Variants in TAFA2 observed in about 807,000 individuals in gnomAD.
TAFA2 encodes the protein chemokine-like protein TAFA-2.
Under a neutral mutation model 18.8 loss-of-function variants are expected in TAFA2, and 7 were observed. The observed-to-expected ratio is 0.37, with a 90% CI of 0.21 to 0.70. The LOEUF is 0.70. Ranked by LOEUF, TAFA2 falls within the 30% of genes least tolerant of loss-of-function variation. The pLI, the probability that TAFA2 is intolerant of heterozygous loss-of-function variation, is 0.53. For synonymous variants in TAFA2, 60 were observed against 54.2 expected, an observed-to-expected ratio of 1.11 and a Z score of -0.47; for missense variants, 122 against 158.1, an observed-to-expected ratio of 0.77 and a Z score of 1.23.
At chr12:62,011,751 TAAAAA>T (rs202026493) in intron 1 of TAFA2, among the ~76,000 whole-genome samples, 9 of 102,890 alleles carry the variant, frequency 8.7e-5, no homozygotes, top group African/African-American at 2.1e-4. Context: ...CAATAAATAC[TAAAAA>T]AAAAAAAAAA....
At chr12:62,016,781 C>G (rs1461027664) in intron 1 of TAFA2, among the ~76,000 whole-genome samples, 4 of 123,692 alleles carry the variant, frequency 3.2e-5, no homozygotes, top group African/African-American at 1.2e-4. Flanking sequence ...ATTGTGTGTA[C>G]AGGGTACCAG....
chr12:62,219,578 G>A (rs1416897907), intron 1 of TAFA2, among the ~76,000 whole-genome samples: 1 of 152,078 alleles, frequency 6.6e-6, no homozygotes, highest in Non-Finnish European at 1.5e-5. Context: ...TTGGGTGTTT[G>A]TTATAAAAGA....
intron 1 of TAFA2, among the ~76,000 whole-genome samples, chr12:62,015,005 C>A (rs1348077): frequency 6.6e-6 from 1 of 152,014 alleles, no homozygotes; most frequent in South Asian, 2.1e-4. Context: ...AACTGTTTTC[C>A]AAAAAAGTCT....
chr12:62,157,834 G>C (rs1200325975), intron 1 of TAFA2, among the ~76,000 whole-genome samples: 2 of 151,988 alleles, frequency 1.3e-5, no homozygotes, highest in Non-Finnish European at 2.9e-5. Context: ...GGGTTTATTT[G>C]TGTCTCTTAC....
At chr12:61,835,398 G>A (rs937985691) in intron 2 of TAFA2, among the ~76,000 whole-genome samples, 1 of 151,936 alleles carries the variant, frequency 6.6e-6, no homozygotes, top group Admixed American at 6.6e-5. Flanking sequence ...TTAGATTCAA[G>A]GGGTGCATTT....
chr12:62,144,345 C>T (rs573767473), intron 1 of TAFA2, among the ~76,000 whole-genome samples: 2 of 152,174 alleles, frequency 1.3e-5, no homozygotes, highest in South Asian at 4.2e-4. Context: ...ACTATAGAGG[C>T]ATGCAGTCAT....
intron 1 of TAFA2, among the ~76,000 whole-genome samples, chr12:61,881,410 A>G (rs1046339704): frequency 6.6e-6 from 1 of 152,170 alleles, no homozygotes; most frequent in African/African-American, 2.4e-5. Context: ...ACTGTAACAC[A>G]ATGGTACTTG....
At chr12:61,833,271 C>T (rs773979496) in intron 2 of TAFA2, among the ~76,000 whole-genome samples, 5 of 151,464 alleles carry the variant, frequency 3.3e-5, no homozygotes, top group African/African-American at 1.2e-4. Flanking sequence ...CTCCTTCCCC[C>T]AGAAACATTC....
At chr12:61,739,418 T>C (rs756160638) in intron 4 of TAFA2, among the ~76,000 whole-genome samples, 4 of 152,050 alleles carry the variant, frequency 2.6e-5, no homozygotes, top group Admixed American at 6.6e-5. Context: ...TAGTGAGACA[T>C]CAACAGTACT....
At chr12:62,030,910 C>T (rs1881440458) in intron 1 of TAFA2, among the ~76,000 whole-genome samples, 1 of 152,058 alleles carries the variant, frequency 6.6e-6, no homozygotes, top group Admixed American at 6.6e-5. Context: ...TTCCTCTTCA[C>T]CCTTAATGAT....
rs1295384077 is a variant in TAFA2, at chr12:62,126,516, T to C, written c.-2+64743A>G. On this transcript the variant is annotated intron_variant, in intron 1 of 4. Coordinates refer to ENST00000416284, the MANE Select transcript of TAFA2 (RefSeq NM_178539.5). ...ATAAAGATATTTTTTCTTTCCAGGG[T>C]AAAGTTTGAGCAGGTTTGCTGGCAT... 9.2e-5 allele frequency among the ~76,000 whole-genome samples: 14 copies of C among 152,182 alleles called. 1 individual carries two copies. Among genetic ancestry groups the C allele is most frequent in the Middle Eastern group, 6.8e-3 (2 of 294 alleles).
chr12:62,186,807 C>T (rs1018881119), intron 1 of TAFA2, among the ~76,000 whole-genome samples: 1 of 152,114 alleles, frequency 6.6e-6, no homozygotes, highest in African/African-American at 2.4e-5. Flanking sequence ...ATAGAGTATT[C>T]TTCTTACAGC....
intron 1 of TAFA2, among the ~76,000 whole-genome samples, chr12:62,043,348 C>T (rs1881815167): frequency 6.6e-6 from 1 of 151,712 alleles, no homozygotes; most frequent in Admixed American, 6.6e-5. Flanking sequence ...TCATTCTCAG[C>T]AAACTATCGC....
At chr12:61,829,977 CAAT>C (rs1333241331) in intron 2 of TAFA2, among the ~76,000 whole-genome samples, 3 of 151,578 alleles carry the variant, frequency 2.0e-5, no homozygotes, top group Admixed American at 2.0e-4. Flanking sequence ...ACATTGTAGA[CAAT>C]AAGAATGCAG....
upstream of TAFA2, among the ~76,000 whole-genome samples, chr12:62,194,482 C>A (rs539052883): frequency 8.5e-4 from 130 of 152,254 alleles, no homozygotes; most frequent in African/African-American, 3.1e-3. Flanking sequence ...ACTAAACCCA[C>A]TGTGTTTTTA....
At chr12:61,972,208 C>T (rs1045181658) in intron 1 of TAFA2, among the ~76,000 whole-genome samples, 4 of 151,420 alleles carry the variant, frequency 2.6e-5, no homozygotes, top group African/African-American at 9.7e-5. Context: ...AAGCTGGACC[C>T]TCACTTTATA....
chr12:61,840,714 T>C (rs2219259), intron 2 of TAFA2, among the ~76,000 whole-genome samples: 42,952 of 151,864 alleles, frequency 0.28, 6,825 homozygotes, highest in South Asian at 0.4. Context: ...ACCAGCCTAT[T>C]AAAGGAACAA....
chr12:61,959,066 GT>G (rs1225356275), intron 1 of TAFA2, among the ~76,000 whole-genome samples: 1 of 151,520 alleles, frequency 6.6e-6, no homozygotes, highest in African/African-American at 2.4e-5. Context: ...GTCTTTTCTT[GT>G]ATTGACTTGA....
chr12:61,985,721 G>A (rs546809595), intron 1 of TAFA2, among the ~76,000 whole-genome samples: 21 of 152,172 alleles, frequency 1.4e-4, no homozygotes, highest in African/African-American at 5.1e-4. Flanking sequence ...CTCCTGTTTT[G>A]GAATGAGGGC....
Sources: allele counts gnomAD v4.1 joint callset (sites outside exome capture counted in the v4.1 genomes callset), GRCh38; gene constraint gnomAD v4.1.1; transcripts MANE v1.5; gene names NCBI Gene and HGNC (gene_info 2026-07-23, HGNC 2026-07-21).